GALNT17: variants seen among roughly 807,000 people sequenced by gnomAD.
GALNT17 encodes UDP-GalNAc:polypeptide N-acetylgalactosaminyltransferase-like 3.
A neutral mutation model predicts 63.7 loss-of-function variants in GALNT17; 29 were observed. That is an observed-to-expected ratio of 0.46 (90% CI 0.34 to 0.62). The LOEUF (loss-of-function observed/expected upper bound fraction) is 0.62. GALNT17 is among the 20% of genes least tolerant of loss of function. The pLI, the probability that GALNT17 is intolerant of heterozygous loss-of-function variation, is 0.01. For missense variants in GALNT17, 603 were observed against 799.6 expected (o/e 0.75, Z 2.97); for synonymous variants, 305 against 318.3 (o/e 0.96, Z 0.45).
rs776627831 is a variant in GALNT17, at chr7:71,552,018, ATTTAT to A, written c.963-19264_963-19260del. On this transcript the variant is annotated intron_variant, in intron 5 of 10. Coordinates refer to ENST00000333538, the MANE Select transcript of GALNT17 (RefSeq NM_022479.3). ...GACTTTCAGGTTGCTCTTTTTATTT[ATTTAT>A]TTATTTATTTATTTATTTATTTATT... Among the ~76,000 whole-genome samples, 115 of 58,126 alleles carry A rather than the reference ATTTAT, an allele frequency of 2.0e-3. 1 individual carries two copies. The highest frequency in any genetic ancestry group is 3.7e-3 in the South Asian group (5 of 1,336). 38.1% of individuals were successfully genotyped at this position (58,126 alleles called of 152,430 possible). A position where few individuals can be genotyped will look rare whatever the true frequency, so the allele number is the denominator to read the frequency against.
intron 1 of GALNT17, among the ~76,000 whole-genome samples, chr7:71,175,899 T>TG (rs1332767132): frequency 6.6e-6 from 1 of 151,938 alleles, no homozygotes; most frequent in Non-Finnish European, 1.5e-5. Flanking sequence ...AGACACTATC[T>TG]CAAAAAAAGA....
At chr7:71,496,978 T>G (rs1788107037) in intron 5 of GALNT17, among the ~76,000 whole-genome samples, 1 of 151,886 alleles carries the variant, frequency 6.6e-6, no homozygotes, top group Non-Finnish European at 1.5e-5. Flanking sequence ...CTCAGGAGGC[T>G]GAGGCAGGAG....
At chr7:71,155,644 C>T (rs993732412) in intron 1 of GALNT17, among the ~76,000 whole-genome samples, 4 of 151,492 alleles carry the variant, frequency 2.6e-5, no homozygotes, top group African/African-American at 9.8e-5. Context: ...ACTATTGCTA[C>T]CTCTGAAGAC....
intron 7 of GALNT17, among the ~76,000 whole-genome samples, chr7:71,668,255 G>A (rs988994266): frequency 2.0e-5 from 3 of 151,762 alleles, no homozygotes; most frequent in Non-Finnish European, 4.4e-5. Context: ...ATTAGCTCAC[G>A]CCTGTAATCC....
At chr7:71,221,592 A>G (rs1280435069) in intron 1 of GALNT17, among the ~76,000 whole-genome samples, 3 of 151,976 alleles carry the variant, frequency 2.0e-5, no homozygotes, top group Non-Finnish European at 2.9e-5. Flanking sequence ...TTGTAAATCC[A>G]TAGATTCTCC....
intron 9 of GALNT17, among the ~76,000 whole-genome samples, chr7:71,708,050 G>T (rs1175444556): frequency 1.3e-5 from 2 of 152,146 alleles, no homozygotes; most frequent in Admixed American, 6.5e-5. Flanking sequence ...GCAAGTACTA[G>T]GATTATGTTG....
In GALNT17 at chr7:71,513,702, T is replaced by G. The variant is rs1457880893; in HGVS notation, c.963-57583T>G. On this transcript the variant is annotated intron_variant, in intron 5 of 10. Transcript: ENST00000333538. Reference sequence around the variant, plus strand: ...CTCCCGGCCCCTTGGCTATTTTTTTTTTTAATCCTTTAAGGTACTAGTTAA... The same window carrying G: ...CTCCCGGCCCCTTGGCTATTTTTTTGTTTAATCCTTTAAGGTACTAGTTAA... Among the ~76,000 whole-genome samples the G allele has an allele frequency of 2.0e-5, 3 of 152,078 alleles. 1 individual carries two copies. Among genetic ancestry groups the G allele is most frequent in the Non-Finnish European group, 4.4e-5 (3 of 68,012 alleles).
At chr7:71,408,314 A>G (rs1192944011) in intron 3 of GALNT17, among the ~76,000 whole-genome samples, 2 of 152,186 alleles carry the variant, frequency 1.3e-5, no homozygotes, top group Non-Finnish European at 2.9e-5. Flanking sequence ...CCCAGCTGTC[A>G]CAACCCATGC....
At chr7:71,682,482 A>G (rs1283490722) in intron 9 of GALNT17, among the ~76,000 whole-genome samples, 3 of 152,174 alleles carry the variant, frequency 2.0e-5, no homozygotes, top group African/African-American at 4.8e-5. Flanking sequence ...TGGGAACCTG[A>G]TAGACCAGCA....
At chr7:71,267,195 A>G (rs2115670059) in intron 1 of GALNT17, among the ~76,000 whole-genome samples, 1 of 152,312 alleles carries the variant, frequency 6.6e-6, no homozygotes, top group East Asian at 1.9e-4. Flanking sequence ...TGCCTGTCCA[A>G]GCCAGGCTCT....
chr7:71,140,337 C>CA (rs1446128625), intron 1 of GALNT17, among the ~76,000 whole-genome samples: 3 of 152,214 alleles, frequency 2.0e-5, no homozygotes, highest in Non-Finnish European at 4.4e-5. Context: ...TGCTGGAGGA[C>CA]ACCCACTCCC....
chr7:71,340,882 G>T lies in GALNT17; in HGVS notation c.422+5149G>T, dbSNP rs148896112. 3.5e-3 allele frequency among the ~76,000 whole-genome samples: 532 copies of T among 151,896 alleles called. 3 individuals carry two copies. The highest frequency in any genetic ancestry group is 0.012 in the African/African-American group (492 of 41,436). ...AACCCTGTCTCTACTAAAAATACAA[G>T]AAAAAATTAGCTGGGCATAGTGGTG... On this transcript the variant is annotated intron_variant, in intron 2 of 10. Coordinates refer to ENST00000333538, the MANE Select transcript of GALNT17 (RefSeq NM_022479.3).
intron 1 of GALNT17, among the ~76,000 whole-genome samples, chr7:71,216,680 A>AG (rs150094428): frequency 1.7e-5 from 1 of 60,580 alleles, no homozygotes; most frequent in Admixed American, 1.5e-4. Flanking sequence ...ACACAGACAC[A>AG]AACACACACA....
intron 1 of GALNT17, among the ~76,000 whole-genome samples, chr7:71,320,250 A>G (rs894952902): frequency 6.6e-6 from 1 of 151,596 alleles, no homozygotes; most frequent in Admixed American, 6.6e-5. Flanking sequence ...ATTTTTTTTT[A>G]AATTGAGATA....
intron 1 of GALNT17, among the ~76,000 whole-genome samples, chr7:71,279,895 T>C (rs929234593): frequency 2.0e-5 from 3 of 151,836 alleles, no homozygotes; most frequent in Non-Finnish European, 4.4e-5. Context: ...GTGTCTTCAT[T>C]GGGGGTTATA....
chr7:71,575,078 GA>G (rs1789513882), intron 6 of GALNT17, among the ~76,000 whole-genome samples: 1 of 152,130 alleles, frequency 6.6e-6, no homozygotes, highest in Non-Finnish European at 1.5e-5. Flanking sequence ...CCTGATGACA[GA>G]GCTCCGTTTT....
In GALNT17 at chr7:71,488,169, T is replaced by TAA. The variant is rs1343277575; in HGVS notation, c.962+67083_962+67084dup. On this transcript the variant is annotated intron_variant, in intron 5 of 10. Coordinates refer to ENST00000333538, the MANE Select transcript of GALNT17 (RefSeq NM_022479.3). Reference sequence around the variant, plus strand: ...GGCAACAGAGCAAGACCCTATCTCTTAAAAAAAAAAAAAAAAAAAACAGCC... The same window carrying TAA: ...GGCAACAGAGCAAGACCCTATCTCTTAAAAAAAAAAAAAAAAAAAAAACAGCC... Among the ~76,000 whole-genome samples, 973 of 123,444 alleles carry TAA rather than the reference T, an allele frequency of 7.9e-3. 17 individuals carry two copies. The highest frequency in any genetic ancestry group is 0.013 in the Middle Eastern group (3 of 236). 81.0% of individuals were successfully genotyped at this position (123,444 alleles called of 152,430 possible). A position where few individuals can be genotyped will look rare whatever the true frequency, so the allele number is the denominator to read the frequency against.
chr7:71,526,460 C>T (rs1259925455), intron 5 of GALNT17, among the ~76,000 whole-genome samples: 1 of 152,128 alleles, frequency 6.6e-6, no homozygotes, highest in Non-Finnish European at 1.5e-5. Context: ...CAGTCTACTT[C>T]TGTGGCTTTA....
At chr7:71,596,852 G>T (rs941141446) in intron 6 of GALNT17, among the ~76,000 whole-genome samples, 1 of 151,932 alleles carries the variant, frequency 6.6e-6, no homozygotes, top group Non-Finnish European at 1.5e-5. Context: ...TGGGCTGGAG[G>T]AGACCCACTC....
Sources: allele counts gnomAD v4.1 joint callset (sites outside exome capture counted in the v4.1 genomes callset), GRCh38; gene constraint gnomAD v4.1.1; transcripts MANE v1.5; gene names NCBI Gene and HGNC (gene_info 2026-07-23, HGNC 2026-07-21).